ARHGEF7: variants seen among roughly 807,000 people sequenced by gnomAD.
ARHGEF7 encodes Rho guanine nucleotide exchange factor 7.
A neutral mutation model predicts 109.8 loss-of-function variants in ARHGEF7; 33 were observed. The observed-to-expected ratio is 0.30, with a 90% CI of 0.23 to 0.40. ARHGEF7 has a LOEUF of 0.40. Ranked by LOEUF, ARHGEF7 falls within the 10% of genes least tolerant of loss-of-function variation. ARHGEF7 has a pLI of 1.00. For synonymous variants in ARHGEF7, 458 were observed against 424.6 expected (o/e 1.08, Z -0.97); for missense variants, 938 against 1,098.5 (o/e 0.85, Z 2.07).
chr13:111,153,862 C>T (rs775180987), intron 1 of ARHGEF7, 43 bp from the exon 2 acceptor site: 20 of 1,577,208 alleles, frequency 1.3e-5, no homozygotes, highest in South Asian at 3.4e-5. Flanking sequence ...GCGGCGTCCC[C>T]GCTGCCGGCC....
chr13:111,218,174 T>C (rs1413481961), intron 5 of ARHGEF7, among the ~76,000 whole-genome samples: 1 of 152,150 alleles, frequency 6.6e-6, no homozygotes, highest in Non-Finnish European at 1.5e-5. Context: ...TGATCTTTTT[T>C]TTTTTTTTTA....
chr13:111,214,047 G>A (rs1047292924), intron 4 of ARHGEF7, among the ~76,000 whole-genome samples: 3 of 152,198 alleles, frequency 2.0e-5, no homozygotes, highest in African/African-American at 4.8e-5. Flanking sequence ...ATGTTGCGAC[G>A]TTTCACCTGG....
chr13:111,138,561 C>T (rs569835428), intron 1 of ARHGEF7, among the ~76,000 whole-genome samples: 2 of 152,266 alleles, frequency 1.3e-5, no homozygotes, highest in South Asian at 2.1e-4. Flanking sequence ...TCAGCTGAGC[C>T]GTAGCCTCTT....
rs138700556 is a variant in ARHGEF7 at position 111,155,325 on chromosome 13, C to G, written c.252+1334C>G. Reference sequence around the variant, plus strand: ...ACCTAGAACATCAAATCTGTGAGGGCAGGTTACATGGAAAGTTTATTTAAT... The same window carrying G: ...ACCTAGAACATCAAATCTGTGAGGGGAGGTTACATGGAAAGTTTATTTAAT... On this transcript the variant is annotated intron_variant, in intron 2 of 21. Transcript: ENST00000646102. Among the ~76,000 whole-genome samples the G allele has an allele frequency of 4.9e-4, 74 of 152,322 alleles. No homozygotes were observed. The East Asian group carries it at 7.1e-3, about 15-fold the overall frequency.
At chr13:111,193,762 T>C (rs1029602046) in intron 2 of ARHGEF7, among the ~76,000 whole-genome samples, 2 of 152,178 alleles carry the variant, frequency 1.3e-5, no homozygotes, top group African/African-American at 4.8e-5. Context: ...TGAACTTCCA[T>C]TGGTATACAG....
intron 2 of ARHGEF7, among the ~76,000 whole-genome samples, chr13:111,179,284 A>G (rs371515881): frequency 1.3e-5 from 2 of 151,994 alleles, no homozygotes; most frequent in Non-Finnish European, 2.9e-5. Context: ...GGGTTTCGCT[A>G]TGTTGACCAG....
intron 13 of ARHGEF7, among the ~76,000 whole-genome samples, chr13:111,278,607 G>A (rs903346911): frequency 1.3e-5 from 2 of 152,200 alleles, no homozygotes; most frequent in African/African-American, 4.8e-5. Flanking sequence ...AACAGACTCA[G>A]GAAAGTGAGG....
chr13:111,162,213 G>T (rs2076802434), intron 2 of ARHGEF7, among the ~76,000 whole-genome samples: 1 of 152,190 alleles, frequency 6.6e-6, no homozygotes, highest in Non-Finnish European at 1.5e-5. Context: ...CCCTTAGGAA[G>T]ATGGAAAACT....
rs924245347 is a variant in ARHGEF7, at chr13:111,255,164, C to G, written c.950+10870C>G. ...GGCCGGGCCCAGAAGAGGATTCGGG[C>G]TAAGGCGCTGAGTCGCTAACGTGAA... On this transcript the variant is annotated intron_variant, in intron 8 of 21. Coordinates refer to ENST00000646102, the MANE Select transcript of ARHGEF7 (RefSeq NM_001354046.2). This position sits in a 1 kb window ranked among gnomAD's most constrained non-coding sequence, Gnocchi z 4.1. Among the ~76,000 whole-genome samples, 1 of 147,486 alleles carries G rather than the reference C, an allele frequency of 6.8e-6. No individual in the cohort carries two copies. The highest frequency in any genetic ancestry group is 1.5e-5 in the Non-Finnish European group (1 of 67,000).
chr13:111,258,628 G>A lies in ARHGEF7; in HGVS notation c.951-8920G>A, dbSNP rs928334330. Among the ~76,000 whole-genome samples, 3 of 152,092 alleles carry A rather than the reference G, an allele frequency of 2.0e-5. No homozygotes were observed. Among genetic ancestry groups the A allele is most frequent in the African/African-American group, 4.8e-5 (2 of 41,410 alleles). ...TGGGTCTTGCATGAGACTCAAAGACGAGCTGGCTTCAAATGTGACCCAGAG... is the reference window on the plus strand; with the variant it reads ...TGGGTCTTGCATGAGACTCAAAGACAAGCTGGCTTCAAATGTGACCCAGAG... On this transcript the variant is annotated intron_variant, in intron 8 of 21. Coordinates refer to ENST00000646102, the MANE Select transcript of ARHGEF7 (RefSeq NM_001354046.2). The surrounding 1 kb of genome is among the most constrained non-coding windows in gnomAD (Gnocchi z 4.4).
intron 1 of ARHGEF7, among the ~76,000 whole-genome samples, chr13:111,146,729 T>C (rs2153365914): frequency 6.6e-6 from 1 of 152,312 alleles, no homozygotes; most frequent in East Asian, 1.9e-4. Flanking sequence ...CTTAGTCGGC[T>C]CTCTGCTTTG....
At chr13:111,282,780 C>T in intron 15 of ARHGEF7, 1 of 320,006 alleles carries the variant, frequency 3.1e-6, no homozygotes, top group Non-Finnish European at 5.7e-6. Flanking sequence ...GCCCTGTGTG[C>T]TTTTGTGAAA....
chr13:111,125,315 A>G (rs1280461845), intron 1 of ARHGEF7, among the ~76,000 whole-genome samples: 1 of 149,934 alleles, frequency 6.7e-6, no homozygotes, highest in African/African-American at 2.5e-5. Flanking sequence ...GAAGCTGGTT[A>G]TTTGAAATGT....
intron 2 of ARHGEF7, among the ~76,000 whole-genome samples, chr13:111,204,953 T>C (rs925907795): frequency 6.7e-6 from 1 of 149,544 alleles, no homozygotes; most frequent in African/African-American, 2.5e-5. Flanking sequence ...GAGAGGAGGA[T>C]TGCGCAAGCA....
In ARHGEF7 at chr13:111,295,587, G is replaced by C. The variant is rs192568683; in HGVS notation, c.2311+3293G>C. ...GTGCTTATCCAGCTAAGAGAGTAATGAAGCAAAATAAAGGGAAAGGAAACG... is the reference window on the plus strand; with the variant it reads ...GTGCTTATCCAGCTAAGAGAGTAATCAAGCAAAATAAAGGGAAAGGAAACG... On this transcript the variant is annotated intron_variant, in intron 19 of 21. Transcript: ENST00000646102. 9.0e-3 allele frequency among the ~76,000 whole-genome samples: 1,369 copies of C among 152,292 alleles called. 21 individuals carry two copies. Among genetic ancestry groups the C allele is most frequent in the African/African-American group, 0.031 (1,295 of 41,536 alleles).
intron 2 of ARHGEF7, chr13:111,186,921 T>C: frequency 1.0e-6 from 1 of 985,564 alleles, no homozygotes; most frequent in Non-Finnish European, 1.2e-6. Flanking sequence ...CTGGTCTTTT[T>C]GGGGTCTACT....
intron 2 of ARHGEF7, among the ~76,000 whole-genome samples, chr13:111,201,678 A>G (rs1407263124): frequency 1.3e-5 from 2 of 152,142 alleles, no homozygotes; most frequent in Non-Finnish European, 2.9e-5. Context: ...GTCCTCAAGC[A>G]TGTTCCCCTT....
intron 1 of ARHGEF7, among the ~76,000 whole-genome samples, chr13:111,116,107 C>G (rs560032095): frequency 6.6e-6 from 1 of 152,210 alleles, no homozygotes; most frequent in African/African-American, 2.4e-5. Flanking sequence ...CAGTTCTTGC[C>G]GGTGGCGTTG....
Position 111,165,370 on chromosome 13 carries a change from G to A in ARHGEF7, c.252+11379G>A, listed in dbSNP as rs118021506. Among the ~76,000 whole-genome samples, 394 of 152,306 alleles carry A rather than the reference G, an allele frequency of 2.6e-3. 1 individual carries two copies. Among genetic ancestry groups the A allele is most frequent in the Middle Eastern group, 0.017 (5 of 294 alleles). On this transcript the variant is annotated intron_variant, in intron 2 of 21. Transcript: ENST00000646102. The stretch of plus-strand genomic sequence containing the variant: ...CCGGGTAAGTCTTTCCAGTGCAGCT[G>A]GTCAGTTGGTCTCACCCAAGAGTTG...
Sources: allele counts gnomAD v4.1 joint callset (sites outside exome capture counted in the v4.1 genomes callset), GRCh38; gene constraint gnomAD v4.1.1; non-coding constraint Gnocchi (gnomAD v3.1); transcripts MANE v1.5; gene names NCBI Gene and HGNC (gene_info 2026-07-23, HGNC 2026-07-21).